ZNF385D: variants seen among roughly 807,000 people sequenced by gnomAD.
The protein encoded by ZNF385D is zinc finger protein 385D, also known as zinc finger protein 659.
ZNF385D carries 15 observed loss-of-function variants against 35.8 expected under a neutral mutation model. The observed-to-expected ratio is 0.42, with a 90% CI of 0.28 to 0.64. ZNF385D has a LOEUF of 0.64. ZNF385D is among the 30% of genes least tolerant of loss of function. The probability of loss-of-function intolerance (pLI) is 0.23; values close to 1 mark genes in which losing one functional copy is unlikely to be tolerated. For synonymous variants in ZNF385D, 212 were observed against 186.8 expected (o/e 1.13, Z -1.10); for missense variants, 474 against 494.6 (o/e 0.96, Z 0.39).
intron 3 of ZNF385D, among the ~76,000 whole-genome samples, chr3:22,084,011 A>G (rs1031204239): frequency 6.6e-6 from 1 of 152,192 alleles, no homozygotes; most frequent in Non-Finnish European, 1.5e-5. Context: ...GAAATAAAAT[A>G]CTTTACAGAC....
In ZNF385D at chr3:21,664,862, A is replaced by C. The variant is rs754796232; in HGVS notation, c.165+24T>G. On this transcript the variant is annotated intron_variant, in intron 2 of 7. Coordinates refer to ENST00000281523, the MANE Select transcript of ZNF385D (RefSeq NM_024697.3). ...TTTTCCAATACCTTCCACTCAGGCA[A>C]AGACAAATTTGGCAGGTACTTACCG... 35 of 1,613,236 alleles carry C rather than the reference A, an allele frequency of 2.2e-5. No homozygotes were observed. The South Asian group carries it at 3.8e-4, about 18-fold the overall frequency.
At chr3:22,072,937 T>C (rs1207649163) in intron 3 of ZNF385D, among the ~76,000 whole-genome samples, 3 of 152,008 alleles carry the variant, frequency 2.0e-5, no homozygotes, top group Admixed American at 6.6e-5. Context: ...GCATTTGTCC[T>C]GAGCACATAG....
rs533823957 is a variant in ZNF385D, at chr3:21,553,500, G to C, written c.276+11074C>G. Among the ~76,000 whole-genome samples, 274 of 152,278 alleles carry C rather than the reference G, an allele frequency of 1.8e-3. 3 individuals are homozygous for C. The highest frequency in any genetic ancestry group is 6.2e-3 in the African/African-American group (258 of 41,560). ...AATGTTTTTGCTGGTGGAGGGTCTT[G>C]CCTCAGTGTAGATAGCTATTGGCTG... On this transcript the variant is annotated intron_variant, in intron 3 of 7. Coordinates refer to ENST00000281523, the MANE Select transcript of ZNF385D (RefSeq NM_024697.3).
chr3:21,830,916 C>T (rs1472905251), intron 3 of ZNF385D, among the ~76,000 whole-genome samples: 4 of 152,276 alleles, frequency 2.6e-5, no homozygotes, highest in African/African-American at 7.2e-5. Context: ...TGAAGGGTGT[C>T]ATACCATAAG....
At chr3:21,826,636 T>C (rs1353416213) in intron 3 of ZNF385D, among the ~76,000 whole-genome samples, 1 of 152,108 alleles carries the variant, frequency 6.6e-6, no homozygotes, top group Non-Finnish European at 1.5e-5. Flanking sequence ...AGACAGCAGC[T>C]ATTTCACAGA....
In ZNF385D at chr3:21,414,479, T is replaced by C. The variant is rs1458179582; in HGVS notation, c.*6735A>G. The C allele has an allele frequency of 2.0e-5, 3 of 152,170 alleles. No homozygotes were observed. Among genetic ancestry groups the C allele is most frequent in the Non-Finnish European group, 4.4e-5 (3 of 68,006 alleles). The allele number at this position is 152,170 out of a possible 1,614,324, so 9.4% of individuals were successfully genotyped here. On this transcript the variant is annotated 3_prime_UTR_variant, in exon 8 of 8. Coordinates refer to ENST00000281523, the MANE Select transcript of ZNF385D (RefSeq NM_024697.3). ...CTTAAATATGTAGTAATATAAACGC[T>C]GTAACTATAAGTCACATTTTAAAAC...
intron 3 of ZNF385D, among the ~76,000 whole-genome samples, chr3:21,792,402 T>C (rs781037418): frequency 4.6e-5 from 7 of 152,214 alleles, no homozygotes; most frequent in Non-Finnish European, 8.8e-5. Flanking sequence ...CCTGTTTTTC[T>C]AAATAACTTT....
At chr3:21,608,879 C>A (rs1485088280) in intron 2 of ZNF385D, among the ~76,000 whole-genome samples, 1 of 152,162 alleles carries the variant, frequency 6.6e-6, no homozygotes, top group Non-Finnish European at 1.5e-5. Context: ...CACTAAGTAT[C>A]ATCCATTCTT....
At chr3:22,312,987 G>C (rs902101837) in intron 2 of ZNF385D, among the ~76,000 whole-genome samples, 10 of 150,674 alleles carry the variant, frequency 6.6e-5, no homozygotes, top group African/African-American at 2.5e-4. Flanking sequence ...CAATAGCAAA[G>C]ACTTGGAACC....
At chr3:22,297,638 G>C (rs1004233372) in intron 2 of ZNF385D, among the ~76,000 whole-genome samples, 1 of 152,034 alleles carries the variant, frequency 6.6e-6, no homozygotes, top group African/African-American at 2.4e-5. Context: ...TGAGTAATCT[G>C]ACCTCAGGCT....
chr3:21,878,890 G>C (rs1284315250), intron 3 of ZNF385D, among the ~76,000 whole-genome samples: 1 of 151,986 alleles, frequency 6.6e-6, no homozygotes, highest in African/African-American at 2.4e-5. Context: ...ATTTATGTGG[G>C]AAAGACCTTA....
intron 2 of ZNF385D, among the ~76,000 whole-genome samples, chr3:22,367,950 C>T (rs13091831): frequency 0.035 from 5,306 of 152,192 alleles, 130 homozygotes; most frequent in Non-Finnish European, 0.05. Flanking sequence ...GGTCTAATGA[C>T]GAATCAAGGC....
At chr3:21,908,954 A>C (rs1298063071) in intron 3 of ZNF385D, among the ~76,000 whole-genome samples, 2 of 152,072 alleles carry the variant, frequency 1.3e-5, no homozygotes, top group African/African-American at 4.8e-5. Context: ...AATAATCACA[A>C]GTCTTATAGC....
Position 21,982,434 on chromosome 3 carries a change from G to T in ZNF385D, c.325+186383C>A, listed in dbSNP as rs371894895. Among the ~76,000 whole-genome samples, 27 of 152,064 alleles carry T rather than the reference G, an allele frequency of 1.8e-4. 1 individual carries two copies. The highest frequency in any genetic ancestry group is 9.8e-4 in the Admixed American group (15 of 15,250). On this transcript the variant is annotated intron_variant, in intron 3 of 5. Transcript: ENST00000494108. ...TAAGTGAGTTTTGTGCATTGACTTT[G>T]TATCCTCTAACTTTGCTGAAGTTGT... is the stretch of plus-strand genomic sequence containing the variant.
At chr3:22,194,997 G>A (rs1696313813) in intron 2 of ZNF385D, among the ~76,000 whole-genome samples, 1 of 151,794 alleles carries the variant, frequency 6.6e-6, no homozygotes, top group African/African-American at 2.4e-5. Context: ...TAAATACCAA[G>A]GGCAATATTT....
At chr3:21,594,367 A>C (rs1158494319) in intron 2 of ZNF385D, among the ~76,000 whole-genome samples, 1 of 152,164 alleles carries the variant, frequency 6.6e-6, no homozygotes, top group East Asian at 1.9e-4. Context: ...CAAAGATTGC[A>C]CCGTGCAAGT....
chr3:22,255,207 A>C (rs764468652), intron 2 of ZNF385D, among the ~76,000 whole-genome samples: 35 of 151,230 alleles, frequency 2.3e-4, no homozygotes, highest in Non-Finnish European at 4.4e-4. Flanking sequence ...GAAAAGAAAA[A>C]AACTTTGTAA....
At chr3:22,152,104 T>A (rs1705277651) in intron 3 of ZNF385D, among the ~76,000 whole-genome samples, 1 of 152,090 alleles carries the variant, frequency 6.6e-6, no homozygotes, top group Non-Finnish European at 1.5e-5. Context: ...GAACACAGGT[T>A]TTTGGTTTTC....
In ZNF385D at chr3:22,170,763, A is replaced by G. The variant is rs116697998; in HGVS notation, c.107-1728T>C. Among the ~76,000 whole-genome samples the G allele has an allele frequency of 6.6e-3, 1,005 of 152,308 alleles. 10 individuals are homozygous for G. Among genetic ancestry groups the G allele is most frequent in the African/African-American group, 0.023 (944 of 41,586 alleles). On this transcript the variant is annotated intron_variant, in intron 2 of 5. Coordinates refer to the ZNF385D transcript ENST00000494108. ...TATCTATCCAGGTTATAATCAGAAC[A>G]TTTCAAAACTTCTTTTGTCTAGAGT... is the stretch of plus-strand genomic sequence containing the variant.
Sources: gnomAD v4.1 joint callset for allele counts (sites outside exome capture counted in the v4.1 genomes callset) on GRCh38, gnomAD v4.1.1 for gene constraint, MANE v1.5 for transcripts, NCBI Gene and HGNC (gene_info 2026-07-23, HGNC 2026-07-21) for gene names.